FAM13B: variants seen among roughly 807,000 people sequenced by gnomAD.
FAM13B encodes protein FAM13B.
Under a neutral mutation model 117.3 loss-of-function variants are expected in FAM13B, and 60 were observed. That is an observed-to-expected ratio of 0.51 (90% CI 0.42 to 0.63). The LOEUF is 0.63. Ranked by LOEUF, FAM13B falls within the 30% of genes least tolerant of loss-of-function variation. FAM13B has a pLI of 0.00. For synonymous variants in FAM13B, 332 were observed against 356.1 expected, an observed-to-expected ratio of 0.93 and a Z score of 0.76; for missense variants, 972 against 1,091.9, an observed-to-expected ratio of 0.89 and a Z score of 1.55.
At chr5:138,042,821 G>A (rs1342368036) in intron 1 of FAM13B, among the ~76,000 whole-genome samples, 6 of 152,286 alleles carry the variant, frequency 3.9e-5, no homozygotes, top group Non-Finnish European at 2.9e-5. Context: ...GCCAGGCGCG[G>A]TGGGTCATGC....
chr5:137,997,980 A>C (rs1400905292), intron 7 of FAM13B, among the ~76,000 whole-genome samples: 2 of 152,216 alleles, frequency 1.3e-5, no homozygotes, highest in African/African-American at 4.8e-5. Context: ...TAAGATGACT[A>C]ATCAAAACCC....
chr5:138,038,410 A>T (rs1010859690), intron 1 of FAM13B, among the ~76,000 whole-genome samples: 5 of 152,210 alleles, frequency 3.3e-5, no homozygotes, highest in Non-Finnish European at 7.3e-5. Context: ...TGAGATTGTG[A>T]CTACTCTTGA....
intron 1 of FAM13B, among the ~76,000 whole-genome samples, chr5:138,024,374 A>G (rs367875614): frequency 3.3e-5 from 5 of 152,100 alleles, no homozygotes; most frequent in African/African-American, 1.2e-4. Flanking sequence ...CCAGAAGCCA[A>G]GAAATGCCAG....
In FAM13B at chr5:137,959,666, C is replaced by T. The variant is rs143039826; in HGVS notation, c.1391G>A (p.Ser464Asn). 5.0e-5 allele frequency: 81 copies of T among 1,613,870 alleles called. No individual in the cohort carries two copies. Among genetic ancestry groups the T allele is most frequent in the Middle Eastern group, 3.3e-4 (2 of 6,084 alleles). ...VGVQGEAACV[S>N]IPHLDLKNVS... is the part of the protein sequence containing the mutation. ...ATTCTTCAGATCTAAATGTGGAATA[C>T]TGACACACGCTGCTTCCCCTTGAAC... The change falls in exon 13 of 24, where the codon AGT becomes AAT. Residue 464 changes from serine to asparagine, a missense_variant. Coordinates refer to ENST00000689681, the MANE Select transcript of FAM13B (RefSeq NM_001385994.1).
At chr5:138,032,572 A>G (rs1790411773) in intron 1 of FAM13B, among the ~76,000 whole-genome samples, 1 of 152,152 alleles carries the variant, frequency 6.6e-6, no homozygotes, top group Admixed American at 6.5e-5. Context: ...CCCGGCAGCC[A>G]GGGACACGGC....
Position 138,031,113 on chromosome 5 carries a change from C to A in FAM13B, c.-203+1669G>T, listed in dbSNP as rs141724075. On this transcript the variant is annotated intron_variant, in intron 1 of 23. Transcript: ENST00000689681. ...ATACGATGATGGAGGAGCTATGCAG[C>A]GATGGATTGAGGTTATTCATAACTG... 4.3e-3 allele frequency among the ~76,000 whole-genome samples: 651 copies of A among 151,976 alleles called. 6 individuals are homozygous for A. The highest frequency in any genetic ancestry group is 0.015 in the African/African-American group (624 of 41,452).
In FAM13B at chr5:138,033,066, G is replaced by T; in HGVS notation, c.-487C>A. The stretch of plus-strand genomic sequence containing the variant: ...TGCAGAGCCTCCCTAACGGCGAGCG[G>T]GAGGAGAGCGGCTGGCGGGCGGAGG... On this transcript the variant is annotated 5_prime_UTR_variant, in exon 1 of 24. Coordinates refer to ENST00000689681, the MANE Select transcript of FAM13B (RefSeq NM_001385994.1). The T allele has an allele frequency of 1.0e-6, 1 of 986,486 alleles. No homozygotes were observed. 61.1% of individuals were successfully genotyped at this position (986,486 alleles called of 1,614,324 possible).
Position 137,987,300 on chromosome 5 carries a change from T to G in FAM13B, c.1046+161A>C, listed in dbSNP as rs376548732. Among the ~76,000 whole-genome samples, 31 of 152,050 alleles carry G rather than the reference T, an allele frequency of 2.0e-4. 1 individual carries two copies. The Middle Eastern group carries it at 0.014, about 67-fold the overall frequency. ...AAAAAAGTGATGAGATATCCAGTGT[T>G]AAGTATGGATGTATATACAAGTATA... On this transcript the variant is annotated intron_variant, in intron 9 of 23. Transcript: ENST00000689681.
chr5:138,029,016 G>A (rs951082852), intron 1 of FAM13B, among the ~76,000 whole-genome samples: 7 of 149,362 alleles, frequency 4.7e-5, no homozygotes, highest in East Asian at 1.9e-4. Context: ...ACGAGACTTC[G>A]TCTCAAAAAA....
At chr5:137,969,794 C>T (rs1349844161) in intron 10 of FAM13B, among the ~76,000 whole-genome samples, 7 of 152,080 alleles carry the variant, frequency 4.6e-5, no homozygotes, top group South Asian at 2.1e-4. Context: ...AACCAAGGCT[C>T]GAGAACTACG....
chr5:137,989,811 A>C (rs902153007), intron 7 of FAM13B, among the ~76,000 whole-genome samples: 1 of 152,148 alleles, frequency 6.6e-6, no homozygotes, highest in African/African-American at 2.4e-5. Flanking sequence ...TGACAGAAAG[A>C]CACCCTGTCT....
chr5:138,022,968 C>T (rs1787175669), intron 1 of FAM13B, among the ~76,000 whole-genome samples: 1 of 151,968 alleles, frequency 6.6e-6, no homozygotes, highest in African/African-American at 2.4e-5. Context: ...GCTGGGCCTA[C>T]ATGTACACAC....
chr5:137,963,732 A>G (rs115621051), intron 10 of FAM13B, among the ~76,000 whole-genome samples: 1 of 152,322 alleles, frequency 6.6e-6, no homozygotes, highest in African/African-American at 2.4e-5. Context: ...GGGAGTGAGC[A>G]CTATGGCATG....
At chr5:137,946,342 C>CAAAAAAAAAAAAAAAAAA in intron 18 of FAM13B, 31 bp from the exon 19 acceptor site, 1 of 919,176 alleles carries the variant, frequency 1.1e-6, no homozygotes, top group Admixed American at 3.5e-5. Context: ...TAACAAAATA[C>CAAAAAAAAAAAAAAAAAA]AAAAAAAAAA....
In FAM13B at chr5:137,960,202, C is replaced by T. The variant is rs764021173; in HGVS notation, c.1257G>A (p.Leu419=). 2.6e-6 allele frequency: 4 copies of T among 1,517,454 alleles called. No individual in the cohort carries two copies. The highest frequency in any genetic ancestry group is 1.4e-5 in the African/African-American group (1 of 72,056). The allele number at this position is 1,517,454 out of a possible 1,614,324, so 94.0% of individuals were successfully genotyped here. ...GTGACAATTTATCACTGTCAAATAA[C>T]AAATATTCTTCCCTAAAAATACAAG... is the stretch of plus-strand genomic sequence containing the variant. The part of the protein sequence containing the change: ...EDGCLEREEY[L]LFDSDKLSHL... The change falls in exon 12 of 24, where the codon TTG becomes TTA. Residue 419 remains leucine (L), a synonymous_variant. Coordinates refer to ENST00000689681, the MANE Select transcript of FAM13B (RefSeq NM_001385994.1).
At chr5:137,988,460 G>A in intron 7 of FAM13B, 145 bp from the exon 8 acceptor site, 5 of 600,734 alleles carry the variant, frequency 8.3e-6, no homozygotes, top group South Asian at 4.4e-5. Flanking sequence ...ATATCAAGTT[G>A]GAAATATTTT....
At chr5:138,050,364 G>A (rs1488082888) in intron 1 of FAM13B, among the ~76,000 whole-genome samples, 2 of 152,170 alleles carry the variant, frequency 1.3e-5, no homozygotes, top group African/African-American at 4.8e-5. Context: ...TTGAACCCGG[G>A]AGGCGGAGGT....
rs1256182900 is a variant in FAM13B, at chr5:137,993,089, C to T, written c.849-4774G>A. ...AAAAATCACCGTTCAGTGAAAGAAA[C>T]CAGATCAAGAATTTACATATAAGCT... On this transcript the variant is annotated intron_variant, in intron 7 of 23. Coordinates refer to ENST00000689681, the MANE Select transcript of FAM13B (RefSeq NM_001385994.1). Among the ~76,000 whole-genome samples the T allele has an allele frequency of 2.0e-5, 3 of 152,066 alleles. No individual in the cohort carries two copies. The East Asian group carries it at 5.8e-4, about 29-fold the overall frequency.
intron 10 of FAM13B, among the ~76,000 whole-genome samples, chr5:137,973,593 G>A (rs1772982087): frequency 6.6e-6 from 1 of 152,188 alleles, no homozygotes; most frequent in African/African-American, 2.4e-5. Context: ...GGCAACAAAA[G>A]CCAAAATTGA....
Sources: allele counts gnomAD v4.1 joint callset (sites outside exome capture counted in the v4.1 genomes callset), GRCh38; gene constraint gnomAD v4.1.1; transcripts MANE v1.5; gene names NCBI Gene and HGNC (gene_info 2026-07-23, HGNC 2026-07-21).